PID1: variants seen among roughly 807,000 people sequenced by gnomAD.
PID1 encodes phosphotyrosine interaction domain containing 1.
Under a neutral mutation model 19.1 loss-of-function variants are expected in PID1, and 10 were observed. The ratio of observed to expected loss-of-function variants is 0.52; its 90% confidence interval spans 0.32 to 0.89. The LOEUF is 0.89. Ranked by LOEUF, PID1 falls within the 40% of genes least tolerant of loss-of-function variation. PID1 has a pLI of 0.03. For synonymous variants in PID1, 130 were observed against 116.0 expected (o/e 1.12, Z -0.78); for missense variants, 248 against 285.3 (o/e 0.87, Z 0.94).
intron 1 of PID1, among the ~76,000 whole-genome samples, chr2:229,178,960 G>C (rs1240672431): frequency 2.0e-5 from 3 of 152,162 alleles, no homozygotes; most frequent in Non-Finnish European, 4.4e-5. Context: ...CCCAAAGCCA[G>C]ATCCTCTCTG....
At chr2:229,181,409 T>C (rs1389314866) in intron 1 of PID1, among the ~76,000 whole-genome samples, 1 of 149,386 alleles carries the variant, frequency 6.7e-6, no homozygotes, top group Non-Finnish European at 1.5e-5. Flanking sequence ...ATAGCTCAGG[T>C]CATAAAAAAC....
chr2:229,185,506 C>T (rs1276742331), intron 1 of PID1, among the ~76,000 whole-genome samples: 2 of 152,120 alleles, frequency 1.3e-5, no homozygotes, highest in Non-Finnish European at 1.5e-5. Context: ...ATTGGGCTTA[C>T]AGTTATACAT....
At chr2:229,092,581 A>G (rs558929709) in intron 2 of PID1, among the ~76,000 whole-genome samples, 2 of 152,172 alleles carry the variant, frequency 1.3e-5, no homozygotes, top group Non-Finnish European at 1.5e-5. Context: ...GGGACTGTGC[A>G]TGATGACTAA....
intron 2 of PID1, among the ~76,000 whole-genome samples, chr2:229,028,415 G>A (rs1290201440): frequency 1.3e-5 from 2 of 152,114 alleles, no homozygotes; most frequent in East Asian, 3.8e-4. Flanking sequence ...TGATCGTTTG[G>A]CAGCAAATAA....
intron 1 of PID1, among the ~76,000 whole-genome samples, chr2:229,216,276 A>G (rs1201873537): frequency 6.6e-6 from 1 of 152,196 alleles, no homozygotes; most frequent in East Asian, 1.9e-4. Flanking sequence ...GTGCATCTAC[A>G]GCTGTGGAGG....
At chr2:229,141,772 G>A (rs184429246) in intron 2 of PID1, among the ~76,000 whole-genome samples, 1 of 152,150 alleles carries the variant, frequency 6.6e-6, no homozygotes, top group East Asian at 1.9e-4. Context: ...TTTGGCTTCT[G>A]AAGATGCCTG....
intron 1 of PID1, among the ~76,000 whole-genome samples, chr2:229,247,562 A>G (rs776271800): frequency 2.6e-5 from 4 of 152,242 alleles, no homozygotes; most frequent in Non-Finnish European, 4.4e-5. Flanking sequence ...ATATTTCTTT[A>G]CAATTGGCAT....
At chr2:229,063,649 T>C (rs1008626594) in intron 2 of PID1, among the ~76,000 whole-genome samples, 1 of 152,154 alleles carries the variant, frequency 6.6e-6, no homozygotes, top group Non-Finnish European at 1.5e-5. Flanking sequence ...ATTTGATCTA[T>C]AATGTTATTA....
intron 2 of PID1, among the ~76,000 whole-genome samples, chr2:229,124,917 C>T (rs576957525): frequency 1.3e-5 from 2 of 152,176 alleles, no homozygotes; most frequent in South Asian, 2.1e-4. Flanking sequence ...AAAACTGTCC[C>T]GAATTAGATG....
At position 229,113,770 on chromosome 2, in the gene PID1, T is replaced by C. The variant is rs553667031; in HGVS notation, c.177+42048A>G. 2.6e-5 allele frequency among the ~76,000 whole-genome samples: 4 copies of C among 152,106 alleles called. No individual in the cohort carries two copies. In the East Asian group the frequency reaches 7.7e-4, roughly 29 times the overall value. ...GGTTCTTAGCCTCAGAGAACCTCAA[T>C]CAGCTGAACAAGAACACGGAAGGTG... On this transcript the variant is annotated intron_variant, in intron 2 of 2. Coordinates refer to ENST00000392055, the MANE Select transcript of PID1 (RefSeq NM_001100818.2).
intron 2 of PID1, among the ~76,000 whole-genome samples, chr2:229,046,379 TGC>T (rs1553555185): frequency 1.3e-4 from 19 of 144,272 alleles, no homozygotes; most frequent in Admixed American, 2.8e-4. Context: ...TGTGTGTGTG[TGC>T]GTGTGTGTGT....
intron 2 of PID1, among the ~76,000 whole-genome samples, chr2:229,056,024 C>T (rs2106188261): frequency 6.6e-6 from 1 of 152,244 alleles, no homozygotes; most frequent in Non-Finnish European, 1.5e-5. Context: ...CCTTCATTAA[C>T]CAGAAAAGGC....
At chr2:229,256,981 C>T (rs777976809) in intron 1 of PID1, among the ~76,000 whole-genome samples, 2 of 152,110 alleles carry the variant, frequency 1.3e-5, no homozygotes, top group Non-Finnish European at 2.9e-5. Context: ...AATTTAAAAA[C>T]CCATGGTCTT....
intron 2 of PID1, among the ~76,000 whole-genome samples, chr2:229,054,360 G>A (rs939688462): frequency 1.3e-4 from 20 of 152,146 alleles, no homozygotes; most frequent in African/African-American, 4.6e-4. Flanking sequence ...TTGAGGAGAA[G>A]CGGCATGTGA....
At chr2:229,054,536 G>T (rs978741440) in intron 2 of PID1, among the ~76,000 whole-genome samples, 11 of 152,074 alleles carry the variant, frequency 7.2e-5, no homozygotes, top group African/African-American at 2.7e-4. Flanking sequence ...AAAGTCAACC[G>T]CAATGTGACC....
intron 1 of PID1, among the ~76,000 whole-genome samples, chr2:229,252,592 C>G (rs1288914236): frequency 6.6e-6 from 1 of 152,168 alleles, no homozygotes; most frequent in Non-Finnish European, 1.5e-5. Flanking sequence ...TTACCATTAA[C>G]AGAGTAGAGA....
At chr2:229,125,597 T>A (rs1695607179) in intron 2 of PID1, among the ~76,000 whole-genome samples, 1 of 152,212 alleles carries the variant, frequency 6.6e-6, no homozygotes, top group Non-Finnish European at 1.5e-5. Context: ...TTTACTACAC[T>A]GAAGTACATA....
At chr2:229,056,689 C>T (rs1694109800) in intron 2 of PID1, among the ~76,000 whole-genome samples, 1 of 137,342 alleles carries the variant, frequency 7.3e-6, no homozygotes, top group African/African-American at 2.8e-5. Flanking sequence ...TCCCAATGCA[C>T]CACCAAGCAA....
At chr2:229,230,294 CGA>C (rs1159213645) in intron 1 of PID1, among the ~76,000 whole-genome samples, 2 of 151,326 alleles carry the variant, frequency 1.3e-5, no homozygotes, top group Admixed American at 6.6e-5. Context: ...AAGAAAGAAA[CGA>C]GAGAGAAAGA....
Sources: gnomAD v4.1 joint callset for allele counts (sites outside exome capture counted in the v4.1 genomes callset) on GRCh38, gnomAD v4.1.1 for gene constraint, MANE v1.5 for transcripts, NCBI Gene and HGNC (gene_info 2026-07-23, HGNC 2026-07-21) for gene names.